SCUBE1: variants seen among roughly 807,000 people sequenced by gnomAD.
SCUBE1 encodes signal peptide, CUB and EGF-like domain-containing protein 1.
In SCUBE1, 59 loss-of-function variants were observed where a neutral mutation model predicts 124.4. That is an observed-to-expected ratio of 0.47 (90% CI 0.38 to 0.59). SCUBE1 has a LOEUF of 0.59. Ranked by LOEUF, SCUBE1 falls within the 20% of genes least tolerant of loss-of-function variation. The pLI is 0.00. For synonymous variants in SCUBE1, 545 were observed against 550.9 expected (o/e 0.99, Z 0.15); for missense variants, 1,150 against 1,371.2 (o/e 0.84, Z 2.55).
chr22:43,238,962 G>A lies in SCUBE1; in HGVS notation c.728-8C>T. The A allele has an allele frequency of 6.2e-7, 1 of 1,602,916 alleles. No homozygotes were observed. The highest frequency in any genetic ancestry group is 8.5e-7 in the Non-Finnish European group (1 of 1,171,078). The stretch of plus-strand genomic sequence containing the variant: ...TATTGACTGCGCACGTCTCTGGGGA[G>A]GGAAAGAGACAGAGACCTCAGTTTC... On this transcript the variant is annotated splice_polypyrimidine_tract_variant and splice_region_variant and intron_variant, in intron 6 of 21. Transcript: ENST00000360835.
intron 15 of SCUBE1, among the ~76,000 whole-genome samples, chr22:43,216,856 T>TTC (rs1921835537): frequency 1.1e-5 from 1 of 87,498 alleles, no homozygotes; most frequent in Non-Finnish European, 2.2e-5. Flanking sequence ...ATCAACAACT[T>TTC]CCCCCCACCC....
In SCUBE1 at chr22:43,210,323, G is replaced by A; in HGVS notation, c.2384-83C>T. On this transcript the variant is annotated intron_variant, in intron 18 of 21. Coordinates refer to ENST00000360835, the MANE Select transcript of SCUBE1 (RefSeq NM_173050.5). The surrounding 1 kb of genome is among the most constrained non-coding windows in gnomAD (Gnocchi z 4.5). Reference sequence around the variant, plus strand: ...GGCCAGGCCTCTAACCACCTGGGAGGCCTAGGGCAGGGCTGGAAGGTGCTC... The same window carrying A: ...GGCCAGGCCTCTAACCACCTGGGAGACCTAGGGCAGGGCTGGAAGGTGCTC... 1 of 1,254,786 alleles carries A rather than the reference G, an allele frequency of 8.0e-7. No individual in the cohort carries two copies. 77.7% of individuals were successfully genotyped at this position (1,254,786 alleles called of 1,614,324 possible).
At chr22:43,306,033 G>C (rs1159249498) in intron 3 of SCUBE1, among the ~76,000 whole-genome samples, 2 of 152,226 alleles carry the variant, frequency 1.3e-5, no homozygotes, top group Non-Finnish European at 2.9e-5. Flanking sequence ...GCTGGAACCT[G>C]TCCCGGTGCT....
At chr22:43,267,033 G>A (rs994413500) in intron 4 of SCUBE1, among the ~76,000 whole-genome samples, 10 of 152,216 alleles carry the variant, frequency 6.6e-5, no homozygotes, top group Admixed American at 5.9e-4. Context: ...AAGCTGAAAC[G>A]AGGTGACAAT....
Position 43,249,382 on chromosome 22 carries a change from C to T in SCUBE1, c.727+8837G>A, listed in dbSNP as rs1422943962. Among the ~76,000 whole-genome samples, 5 of 152,178 alleles carry T rather than the reference C, an allele frequency of 3.3e-5. No individual in the cohort carries two copies. In the East Asian group the frequency reaches 5.8e-4, roughly 18 times the overall value. On this transcript the variant is annotated intron_variant, in intron 6 of 21. Coordinates refer to ENST00000360835, the MANE Select transcript of SCUBE1 (RefSeq NM_173050.5). ...GGGAGAAGCAGGAATGCACATGTCC[C>T]GATGAGAAGTGACATTGGCCATGCC...
At chr22:43,214,300 A>T in intron 15 of SCUBE1, 49 bp from the exon 16 acceptor site, 1 of 1,570,620 alleles carries the variant, frequency 6.4e-7, no homozygotes, top group African/African-American at 1.3e-5. Flanking sequence ...TGGGGAGGCC[A>T]GGGGTGTCTC....
At position 43,201,362 on chromosome 22, in the gene SCUBE1, A is replaced by C. The variant is rs1189011423; in HGVS notation, c.*2635T>G. ...AAAAGAAAACAAAAAACAAAACAAA[A>C]AAAACAAAACAAAAACATTTAAGTG... On this transcript the variant is annotated 3_prime_UTR_variant, in exon 22 of 22. Coordinates refer to ENST00000360835, the MANE Select transcript of SCUBE1 (RefSeq NM_173050.5). The C allele has an allele frequency of 6.7e-6, 1 of 149,262 alleles. No homozygotes were observed. The highest frequency in any genetic ancestry group is 1.9e-4 in the East Asian group (1 of 5,202). The allele number at this position is 149,262 out of a possible 1,614,324, so 9.2% of individuals were successfully genotyped here.
chr22:43,255,784 C>T lies in SCUBE1; in HGVS notation c.727+2435G>A, dbSNP rs1351153035. ...AGCAGAGAGGCAGCGAGGGCGGGGG[C>T]GGGGGGACGTGCAGGAAAGGAGGAA... On this transcript the variant is annotated intron_variant, in intron 6 of 21. Transcript: ENST00000360835. This position sits in a 1 kb window ranked among gnomAD's most constrained non-coding sequence, Gnocchi z 4.7. 1.3e-5 allele frequency among the ~76,000 whole-genome samples: 2 copies of T among 151,208 alleles called. No individual in the cohort carries two copies. The highest frequency in any genetic ancestry group is 2.4e-5 in the African/African-American group (1 of 41,148).
intron 21 of SCUBE1, among the ~76,000 whole-genome samples, chr22:43,206,465 G>C (rs1921286344): frequency 6.6e-6 from 1 of 152,150 alleles, no homozygotes; most frequent in Non-Finnish European, 1.5e-5. Flanking sequence ...CTGTGCTGTG[G>C]GGGCAGGGAC....
intron 3 of SCUBE1, among the ~76,000 whole-genome samples, chr22:43,307,144 C>T (rs1413778185): frequency 2.6e-5 from 4 of 152,200 alleles, no homozygotes; most frequent in Non-Finnish European, 5.9e-5. Flanking sequence ...CGAGGAATTC[C>T]CAAGGAAGGA....
chr22:43,335,442 AG>A (rs1927032337), intron 2 of SCUBE1, among the ~76,000 whole-genome samples: 1 of 152,172 alleles, frequency 6.6e-6, no homozygotes, highest in Non-Finnish European at 1.5e-5. Flanking sequence ...TCACTCACTG[AG>A]GGTTTAGGAA....
Position 43,208,111 on chromosome 22 carries a change from T to A in SCUBE1, c.2695A>T (p.Ser899Cys), listed in dbSNP as rs751125489. 1 of 1,614,030 alleles carries A rather than the reference T, an allele frequency of 6.2e-7. No individual in the cohort carries two copies. Among genetic ancestry groups the A allele is most frequent in the African/African-American group, 1.3e-5 (1 of 74,926 alleles). ...WIQFKSNEGN[S>C]GKGFQVPYVT... ...TAGGGCACTTGGAAGCCTTTGCCGC[T>A]GTTGCCTTCATTGGATTTGAACTGG... Residue 899 changes from serine (S) to cysteine (C), a missense_variant, in exon 20 of 22, where the codon AGC becomes TGC. Transcript: ENST00000360835.
rs17003573 is a variant in SCUBE1, at chr22:43,254,982, T to C, written c.727+3237A>G. ...TTTCCCTGAGAGGTCCTGGAGGTCCTGGCCGGTAGCTTCCCTCCCAGGAGT... is the reference window on the plus strand; with the variant it reads ...TTTCCCTGAGAGGTCCTGGAGGTCCCGGCCGGTAGCTTCCCTCCCAGGAGT... On this transcript the variant is annotated intron_variant, in intron 6 of 21. Transcript: ENST00000360835. 0.027 allele frequency among the ~76,000 whole-genome samples: 4,158 copies of C among 152,334 alleles called. 313 individuals are homozygous for C. In the East Asian group the frequency reaches 0.32, roughly 12 times the overall value.
At position 43,198,424 on chromosome 22, in the gene SCUBE1, A is replaced by G; in HGVS notation, c.*5573T>C. The G allele has an allele frequency of 1.3e-5, 5 of 395,002 alleles. No homozygotes were observed. The highest frequency in any genetic ancestry group is 9.3e-5 in the South Asian group (5 of 53,890). The allele number at this position is 395,002 out of a possible 1,614,324, so 24.5% of individuals were successfully genotyped here. A position where few individuals can be genotyped will look rare whatever the true frequency, so the allele number is the denominator to read the frequency against. On this transcript the variant is annotated 3_prime_UTR_variant, in exon 22 of 22. Coordinates refer to ENST00000360835, the MANE Select transcript of SCUBE1 (RefSeq NM_173050.5). The stretch of plus-strand genomic sequence containing the variant: ...CACACCTGATGTCCTTTCCAAGAGC[A>G]AGGCAGGTGGGATCAGGCCAACCCC...
chr22:43,323,586 A>ATCC (rs1926627719), intron 2 of SCUBE1, among the ~76,000 whole-genome samples: 1 of 139,230 alleles, frequency 7.2e-6, no homozygotes, highest in Non-Finnish European at 1.6e-5. Flanking sequence ...TGACCCATCC[A>ATCC]AACATCCATC....
chr22:43,265,566 G>A (rs1312490644), intron 4 of SCUBE1, among the ~76,000 whole-genome samples: 1 of 152,196 alleles, frequency 6.6e-6, no homozygotes, highest in Non-Finnish European at 1.5e-5. Context: ...CCTGCACGCT[G>A]CCTCTCACCC....
intron 3 of SCUBE1, among the ~76,000 whole-genome samples, chr22:43,305,013 G>A (rs1601876223): frequency 6.6e-6 from 1 of 152,218 alleles, no homozygotes; most frequent in Non-Finnish European, 1.5e-5. Flanking sequence ...CCTGACAGAA[G>A]AGCATTGGGG....
At chr22:43,266,010 A>G (rs1037920986) in intron 4 of SCUBE1, among the ~76,000 whole-genome samples, 3 of 152,284 alleles carry the variant, frequency 2.0e-5, no homozygotes, top group Admixed American at 6.5e-5. Context: ...CTGAGGCAGA[A>G]GAATTGCTTG....
At chr22:43,207,409 C>T (rs998788157) in intron 21 of SCUBE1, 125 bp downstream of exon 21, 6 of 737,766 alleles carry the variant, frequency 8.1e-6, no homozygotes, top group Non-Finnish European at 1.5e-5. Flanking sequence ...GCCTCCTGCT[C>T]CTCTCCCATC....
Sources: allele counts gnomAD v4.1 joint callset (sites outside exome capture counted in the v4.1 genomes callset), GRCh38; gene constraint gnomAD v4.1.1; non-coding constraint Gnocchi (gnomAD v3.1); transcripts MANE v1.5; gene names NCBI Gene and HGNC (gene_info 2026-07-23, HGNC 2026-07-21).